NHLRC3: variants seen among roughly 807,000 people sequenced by gnomAD.
The protein encoded by NHLRC3 is NHL repeat-containing protein 3.
In NHLRC3, 23 loss-of-function variants were observed where a neutral mutation model predicts 32.0. The ratio of observed to expected loss-of-function variants is 0.72; its 90% confidence interval spans 0.52 to 1.02. The LOEUF is 1.02. NHLRC3 is among the 50% of genes least tolerant of loss of function. The pLI is 0.00. For synonymous variants in NHLRC3, 159 were observed against 147.9 expected (o/e 1.08, Z -0.55); for missense variants, 407 against 406.8 (o/e 1.00, Z -0.01).
rs769757255 is a variant in NHLRC3, at chr13:39,039,564, A to C, written c.238A>C (p.Arg80=). Residue 80 remains arginine, a splice_region_variant and synonymous_variant, in exon 3 of 7, where the codon AGA becomes CGA. Transcript: ENST00000379600. ...GAAGTTATTTTTTGTATACCTTCAG[A>C]GAGGGGATAACATCCCAAAGATATT... ...SLNGLVYIGQ[R]GDNIPKILVF... The C allele has an allele frequency of 6.2e-7, 1 of 1,609,730 alleles. No individual in the cohort carries two copies. The highest frequency in any genetic ancestry group is 1.1e-5 in the South Asian group (1 of 90,978).
Position 39,047,128 on chromosome 13 carries a change from C to T in NHLRC3, c.767C>T (p.Thr256Ile), listed in dbSNP as rs774996953. 2 of 1,604,788 alleles carry T rather than the reference C, an allele frequency of 1.2e-6. No individual in the cohort carries two copies. Among genetic ancestry groups the T allele is most frequent in the Non-Finnish European group, 1.7e-6 (2 of 1,172,576 alleles). ...TTAGGAGCATGGAATAATTGTTTCA[C>T]AGAAGAGGGACCTTCTTCAGTCAGG... The part of the protein sequence containing the change: ...EWLGAWNNCF[T>I]EEGPSSVRFT... The change falls in exon 6 of 7, where the codon ACA becomes ATA. Residue 256 changes from threonine to isoleucine, a missense_variant. By Grantham distance (89) the Thr-to-Ile change is moderately conservative. Transcript: ENST00000379600.
chr13:39,041,957 A>G (rs529849990), intron 3 of NHLRC3, 148 bp from the exon 4 acceptor site: 32 of 581,024 alleles, frequency 5.5e-5, no homozygotes, highest in African/African-American at 5.0e-4. Context: ...AAGAAGCTAT[A>G]GTGCTTGTCA....
chr13:39,048,308 CAT>C lies in NHLRC3; in HGVS notation c.*384_*385del, dbSNP rs1489536232. ...CCAGACCTCCAGATTGTGCAACTAACATAAAATGAGCTGCTTGAGAGATTGTA... is the reference window on the plus strand; with the variant it reads ...CCAGACCTCCAGATTGTGCAACTAACAAAATGAGCTGCTTGAGAGATTGTA... On this transcript the variant is annotated 3_prime_UTR_variant, in exon 7 of 7. Coordinates refer to ENST00000379600, the MANE Select transcript of NHLRC3 (RefSeq NM_001012754.4). 1.2e-5 allele frequency: 2 copies of C among 161,582 alleles called. No homozygotes were observed. The highest frequency in any genetic ancestry group is 2.4e-5 in the African/African-American group (1 of 41,654). The allele number at this position is 161,582 out of a possible 1,614,324, so 10.0% of individuals were successfully genotyped here.
At chr13:39,041,889 C>T (rs562951169) in intron 3 of NHLRC3, 190 of 467,548 alleles carry the variant, frequency 4.1e-4, no homozygotes, top group African/African-American at 3.4e-3. Flanking sequence ...ATTTAGAATC[C>T]GCTTATTTTG....
intron 5 of NHLRC3, among the ~76,000 whole-genome samples, chr13:39,045,546 G>T (rs1871637562): frequency 6.6e-6 from 1 of 152,140 alleles, no homozygotes; most frequent in African/African-American, 2.4e-5. Context: ...TATATGAAAG[G>T]TTAGTCAGTT....
chr13:39,039,125 TTTTG>T lies in NHLRC3; in HGVS notation c.85-7_85-4del, dbSNP rs1188447035. Reference sequence around the variant, plus strand: ...GGTAAACTAAATCTGAATTGTCTGATTTTGTTTAAGGTTTTGAGGAACTTTACTT... The same window carrying T: ...GGTAAACTAAATCTGAATTGTCTGATTTTAAGGTTTTGAGGAACTTTACTT... On this transcript the variant is annotated splice_region_variant and splice_polypyrimidine_tract_variant and intron_variant, in intron 1 of 6. Transcript: ENST00000379600. The T allele has an allele frequency of 6.2e-7, 1 of 1,609,990 alleles. No individual in the cohort carries two copies. Among genetic ancestry groups the T allele is most frequent in the East Asian group, 2.2e-5 (1 of 44,774 alleles).
At chr13:39,039,382 T>C (rs563241876) in intron 2 of NHLRC3, 94 bp downstream of exon 2, 1 of 1,119,610 alleles carries the variant, frequency 8.9e-7, no homozygotes, top group South Asian at 1.4e-5. Context: ...GTTTATATCA[T>C]GCTAATTGTG....
At position 39,044,307 on chromosome 13, in the gene NHLRC3, C is replaced by CT. The variant is rs935551997; in HGVS notation, c.678+127dup. ...TATAGATTGTGGTATACATGTGTGT[C>CT]TGGGCATGTGGATACATGTGTGTTA... is the stretch of plus-strand genomic sequence containing the variant. On this transcript the variant is annotated intron_variant, in intron 5 of 6. Coordinates refer to ENST00000379600, the MANE Select transcript of NHLRC3 (RefSeq NM_001012754.4). 1.1e-5 allele frequency: 8 copies of CT among 717,380 alleles called. No homozygotes were observed. In the African/African-American group the frequency reaches 1.5e-4, roughly 13 times the overall value. The allele number at this position is 717,380 out of a possible 1,614,324, so 44.4% of individuals were successfully genotyped here.
At position 39,048,970 on chromosome 13, in the gene NHLRC3, A is replaced by G. The variant is rs1174216042; in HGVS notation, c.*1044A>G. ...CCAAATCCTTTGAGCTGTTAAGATG[A>G]TAATTTCCTGCTTTCCTCCTACATC... is the stretch of plus-strand genomic sequence containing the variant. On this transcript the variant is annotated 3_prime_UTR_variant, in exon 7 of 7. Transcript: ENST00000379600. 1 of 152,374 alleles carries G rather than the reference A, an allele frequency of 6.6e-6. No individual in the cohort carries two copies. The highest frequency in any genetic ancestry group is 2.4e-5 in the African/African-American group (1 of 41,362). The allele number at this position is 152,374 out of a possible 1,614,324, so 9.4% of individuals were successfully genotyped here.
chr13:39,042,255 T>C lies in NHLRC3; in HGVS notation c.536T>C (p.Ile179Thr). 6.2e-7 allele frequency: 1 copy of C among 1,610,742 alleles called. No homozygotes were observed. Among genetic ancestry groups the C allele is most frequent in the South Asian group, 1.1e-5 (1 of 91,004 alleles). Residue 179 changes from isoleucine (I) to threonine (T), a missense_variant, in exon 4 of 7, where the codon ATT becomes ACT. Ile to Thr is a moderately conservative substitution (Grantham distance 89). Transcript: ENST00000379600. ...GTAGAGGACACAGGAGATATTTACA[T>C]TGTGGATGGAGATGGAGGATTGAAT... ...LYVEDTGDIY[I>T]VDGDGGLNNR...
In NHLRC3 at chr13:39,047,867, G is replaced by A; in HGVS notation, c.985G>A (p.Ala329Thr). 1 of 1,613,736 alleles carries A rather than the reference G, an allele frequency of 6.2e-7. No homozygotes were observed. Among genetic ancestry groups the A allele is most frequent in the Non-Finnish European group, 8.5e-7 (1 of 1,179,732 alleles). ...AGCAGTCTATGTAGCAGAAATTGGA[G>A]CAAAACAAGTACAAAAATATGTCCC... Reference protein sequence around the residue: ...TGAVYVAEIGAKQVQKYVPLN... With the variant: ...TGAVYVAEIGTKQVQKYVPLN... The change falls in exon 7 of 7, where the codon GCA (alanine) becomes ACA (threonine). Residue 329 changes from alanine (A) to threonine (T), a missense_variant. Transcript: ENST00000379600.
In NHLRC3 at chr13:39,048,674, G is replaced by A. The variant is rs370077667; in HGVS notation, c.*748G>A. On this transcript the variant is annotated 3_prime_UTR_variant, in exon 7 of 7. Coordinates refer to ENST00000379600, the MANE Select transcript of NHLRC3 (RefSeq NM_001012754.4). ...AAGTTAGAAGTGTACTGTAAACTTT[G>A]ATAGGCTTTTAGGCCTTTTTTAAAG... 2.0e-5 allele frequency: 3 copies of A among 152,168 alleles called. No individual in the cohort carries two copies. Among genetic ancestry groups the A allele is most frequent in the African/African-American group, 7.2e-5 (3 of 41,438 alleles). The allele number at this position is 152,168 out of a possible 1,614,324, so 9.4% of individuals were successfully genotyped here.
intron 5 of NHLRC3, among the ~76,000 whole-genome samples, chr13:39,046,280 C>T (rs1342667780): frequency 6.6e-6 from 1 of 152,154 alleles, no homozygotes; most frequent in Non-Finnish European, 1.5e-5. Context: ...GACTGCGCCA[C>T]TGCACTCCAG....
At chr13:39,039,434 T>A (rs1329446531) in intron 2 of NHLRC3, 130 bp from the exon 3 acceptor site, 1 of 1,113,272 alleles carries the variant, frequency 9.0e-7, no homozygotes, top group Admixed American at 2.5e-5. Context: ...TGGTTTCGAA[T>A]GTGAAAGATA....
rs1319488486 is a variant in NHLRC3, at chr13:39,039,120, T to C, written c.85-16T>C. The stretch of plus-strand genomic sequence containing the variant: ...TAGACGGTAAACTAAATCTGAATTG[T>C]CTGATTTTGTTTAAGGTTTTGAGGA... On this transcript the variant is annotated splice_polypyrimidine_tract_variant and intron_variant, in intron 1 of 6. Coordinates refer to ENST00000379600, the MANE Select transcript of NHLRC3 (RefSeq NM_001012754.4). The C allele has an allele frequency of 2.5e-6, 4 of 1,580,182 alleles. No homozygotes were observed. Among genetic ancestry groups the C allele is most frequent in the Non-Finnish European group, 3.5e-6 (4 of 1,159,380 alleles).
In NHLRC3 at chr13:39,039,160, G is replaced by GT; in HGVS notation, c.112dup (p.Ser38PhefsTer5). 1 of 1,609,066 alleles carries GT rather than the reference G, an allele frequency of 6.2e-7. No homozygotes were observed. The highest frequency in any genetic ancestry group is 8.5e-7 in the Non-Finnish European group (1 of 1,177,676). ...GGTTTTGAGGAACTTTACTTTTGCA[G>GT]TTTCCTGGAGAACTGAGAAAATTCT... On this transcript the variant is annotated frameshift_variant, in exon 2 of 7. Coordinates refer to ENST00000379600, the MANE Select transcript of NHLRC3 (RefSeq NM_001012754.4). LOFTEE classifies it high-confidence loss of function.
In NHLRC3 at chr13:39,038,588, G is replaced by A. The variant is rs932516100; in HGVS notation, c.-52G>A. The A allele has an allele frequency of 1.3e-6, 2 of 1,499,394 alleles. No individual in the cohort carries two copies. The highest frequency in any genetic ancestry group is 1.9e-6 in the Non-Finnish European group (2 of 1,075,114). 92.9% of individuals were successfully genotyped at this position (1,499,394 alleles called of 1,614,324 possible). ...AACCGTTGCAGCCTGAGGCTGTCAG[G>A]TCCTCCCCCAGACACCTGCGGACCC... On this transcript the variant is annotated 5_prime_UTR_variant, in exon 1 of 7. Transcript: ENST00000379600.
At chr13:39,038,442 C>G (rs147063549), upstream of NHLRC3, 286 of 598,352 alleles carry the variant, frequency 4.8e-4, 1 homozygote, top group African/African-American at 4.4e-3. Context: ...CGGAACTGGT[C>G]TTCTGTGATT....
At chr13:39,040,666 A>ATG (rs1194897491) in intron 3 of NHLRC3, 1 of 152,216 alleles carries the variant, frequency 6.6e-6, no homozygotes, top group African/African-American at 2.4e-5. Flanking sequence ...TCAGGAAGAA[A>ATG]TGGGATTATA....
Sources: allele counts gnomAD v4.1 joint callset (sites outside exome capture counted in the v4.1 genomes callset), GRCh38; gene constraint gnomAD v4.1.1; transcripts MANE v1.5; gene names NCBI Gene and HGNC (gene_info 2026-07-23, HGNC 2026-07-21).